CCBE1: variants seen among roughly 807,000 people sequenced by gnomAD.
CCBE1 encodes collagen and calcium-binding EGF domain-containing protein 1.
CCBE1 carries 37 observed loss-of-function variants against 50.0 expected under a neutral mutation model. That is an observed-to-expected ratio of 0.74 (90% CI 0.57 to 0.97). The LOEUF is 0.97. Ranked by LOEUF, CCBE1 falls within the 50% of genes least tolerant of loss-of-function variation. The probability of loss-of-function intolerance (pLI) is 0.00; values close to 1 mark genes in which losing one functional copy is unlikely to be tolerated. For missense variants in CCBE1, 538 were observed against 523.8 expected (o/e 1.03, Z -0.26); for synonymous variants, 234 against 203.7 (o/e 1.15, Z -1.27).
At chr18:59,617,850 C>T (rs1424907927) in intron 2 of CCBE1, among the ~76,000 whole-genome samples, 1 of 152,144 alleles carries the variant, frequency 6.6e-6, no homozygotes, top group Non-Finnish European at 1.5e-5. Flanking sequence ...GATTTATTAC[C>T]ACTGCAGGCT....
At chr18:59,526,746 C>G (rs1032392610) in intron 2 of CCBE1, among the ~76,000 whole-genome samples, 2 of 152,184 alleles carry the variant, frequency 1.3e-5, no homozygotes, top group Admixed American at 6.5e-5. Context: ...TTCTCGATTT[C>G]TGCTTTAATT....
At chr18:59,490,513 A>G (rs1913050092) in intron 2 of CCBE1, among the ~76,000 whole-genome samples, 1 of 152,126 alleles carries the variant, frequency 6.6e-6, no homozygotes, top group Non-Finnish European at 1.5e-5. Flanking sequence ...TTCTAATGCC[A>G]GGCTTGGCAA....
At chr18:59,551,493 C>T (rs1915928469) in intron 2 of CCBE1, among the ~76,000 whole-genome samples, 1 of 152,134 alleles carries the variant, frequency 6.6e-6, no homozygotes, top group African/African-American at 2.4e-5. Context: ...TAAAGCACAC[C>T]ACGATGCCAC....
intron 2 of CCBE1, among the ~76,000 whole-genome samples, chr18:59,564,642 G>C (rs145377540): frequency 6.6e-6 from 1 of 152,186 alleles, no homozygotes; most frequent in African/African-American, 2.4e-5. Flanking sequence ...TTTGGGATTC[G>C]TGTGAAACAT....
chr18:59,695,384 A>G (rs1380182954), intron 2 of CCBE1, among the ~76,000 whole-genome samples: 1 of 152,104 alleles, frequency 6.6e-6, no homozygotes, highest in Non-Finnish European at 1.5e-5. Flanking sequence ...CCAATTGAAC[A>G]TACTCCTTTC....
At chr18:59,516,279 C>G (rs1415158131) in intron 2 of CCBE1, among the ~76,000 whole-genome samples, 2 of 151,572 alleles carry the variant, frequency 1.3e-5, no homozygotes, top group Non-Finnish European at 2.9e-5. Flanking sequence ...GCAAAGTTGT[C>G]CTTATACATA....
intron 2 of CCBE1, among the ~76,000 whole-genome samples, chr18:59,560,380 A>G (rs1220363296): frequency 1.3e-5 from 2 of 152,210 alleles, no homozygotes; most frequent in African/African-American, 2.4e-5. Flanking sequence ...GTTCTCACTC[A>G]TAAGTGGGAG....
chr18:59,590,967 G>GATGCAACTGTTAAAAAGAATAAACTT, intron 2 of CCBE1, among the ~76,000 whole-genome samples: 1 of 32,310 alleles, frequency 3.1e-5, no homozygotes, highest in Non-Finnish European at 4.9e-5. Context: ...TAAGTAGGCC[G>GATGCAACTGTTAAAAAGAATAAACTT]GGCGCGGTGG....
chr18:59,674,706 C>A (rs529190739), intron 2 of CCBE1, among the ~76,000 whole-genome samples: 1 of 152,304 alleles, frequency 6.6e-6, no homozygotes, highest in Non-Finnish European at 1.5e-5. Context: ...GTTTGTTTGA[C>A]AGGATCCAGG....
chr18:59,541,876 TA>T (rs35073472), intron 2 of CCBE1, among the ~76,000 whole-genome samples: 29 of 148,960 alleles, frequency 1.9e-4, no homozygotes, highest in Middle Eastern at 3.4e-3. Flanking sequence ...TCTGCTTAAT[TA>T]AAAAAAAAAA....
At chr18:59,503,876 T>G (rs1485173985) in intron 2 of CCBE1, among the ~76,000 whole-genome samples, 1 of 152,206 alleles carries the variant, frequency 6.6e-6, no homozygotes, top group Admixed American at 6.5e-5. Flanking sequence ...CTTCACACCT[T>G]ACTCTCCACC....
intron 2 of CCBE1, among the ~76,000 whole-genome samples, chr18:59,678,745 C>G (rs1035024970): frequency 7.9e-5 from 12 of 152,152 alleles, no homozygotes; most frequent in Non-Finnish European, 1.3e-4. Context: ...GTTGGCCAGG[C>G]TGGTCTCAAA....
rs776006255 is a variant in CCBE1, at chr18:59,460,968, T to TAAATA, written c.553+5770_553+5771insTATTT. Among the ~76,000 whole-genome samples, 991 of 144,712 alleles carry TAAATA rather than the reference T, an allele frequency of 6.8e-3. 3 individuals carry two copies. The highest frequency in any genetic ancestry group is 0.011 in the Non-Finnish European group (718 of 65,508). The allele number at this position is 144,712 out of a possible 152,430, so 94.9% of individuals were successfully genotyped here. On this transcript the variant is annotated intron_variant, in intron 5 of 10. Transcript: ENST00000439986. ...ATAAATAAATAAATAAATAAATAAA[T>TAAATA]AATAAAATAAAAATAAAAAAATGAG...
In CCBE1 at chr18:59,431,141, G is replaced by A. The variant is rs1003351087; in HGVS notation, c.*4767C>T. 2.0e-5 allele frequency: 3 copies of A among 152,188 alleles called. No individual in the cohort carries two copies. The highest frequency in any genetic ancestry group is 7.2e-5 in the African/African-American group (3 of 41,450). 9.4% of individuals were successfully genotyped at this position (152,188 alleles called of 1,614,324 possible). A position where few individuals can be genotyped will look rare whatever the true frequency, so the allele number is the denominator to read the frequency against. On this transcript the variant is annotated 3_prime_UTR_variant, in exon 11 of 11. Coordinates refer to ENST00000439986, the MANE Select transcript of CCBE1 (RefSeq NM_133459.4). ...ACACATGAAATTCCTAAGGGGACTTGCTTTGATCCCCTGGGGAGTAAGAGG... is the reference window on the plus strand; with the variant it reads ...ACACATGAAATTCCTAAGGGGACTTACTTTGATCCCCTGGGGAGTAAGAGG...
intron 2 of CCBE1, among the ~76,000 whole-genome samples, chr18:59,500,684 C>G (rs1271577575): frequency 1.3e-5 from 2 of 152,198 alleles, no homozygotes; most frequent in African/African-American, 4.8e-5. Context: ...ACAGCAATGG[C>G]AGTGGACAGC....
rs1911774792 is a variant in CCBE1 at position 59,466,850 on chromosome 18, G to A, written c.442C>T (p.His148Tyr). 2 of 1,613,422 alleles carry A rather than the reference G, an allele frequency of 1.2e-6. No individual in the cohort carries two copies. Among genetic ancestry groups the A allele is most frequent in the Admixed American group, 3.3e-5 (2 of 59,996 alleles). Reference sequence around the variant, plus strand: ...CTGCCCAAGGTATTGATGCAGATGTGGGCACACAGCGTCCCATTGCTGCTG... The same window carrying A: ...CTGCCCAAGGTATTGATGCAGATGTAGGCACACAGCGTCCCATTGCTGCTG... The part of the protein sequence containing the change: ...CASSNGTLCA[H>Y]ICINTLGSYR... Residue 148 changes from histidine (H) to tyrosine (Y), a missense_variant, in exon 5 of 11, where the codon CAC becomes TAC. By Grantham distance (83) the His-to-Tyr change is moderately conservative. Transcript: ENST00000439986.
intron 2 of CCBE1, 124 bp from the exon 3 acceptor site, chr18:59,480,362 G>T (rs933750464): frequency 6.0e-6 from 4 of 666,616 alleles, no homozygotes; most frequent in Non-Finnish European, 1.0e-5. Flanking sequence ...CAAAGTAGGG[G>T]TGAAGTATTT....
chr18:59,649,963 G>A (rs940053919), intron 2 of CCBE1, among the ~76,000 whole-genome samples: 2 of 152,076 alleles, frequency 1.3e-5, no homozygotes, highest in Non-Finnish European at 2.9e-5. Flanking sequence ...GGAGGGAGGG[G>A]TCCCAGACAG....
intron 2 of CCBE1, among the ~76,000 whole-genome samples, chr18:59,693,004 AAAC>A (rs2054756068): frequency 1.3e-5 from 2 of 148,662 alleles, no homozygotes; most frequent in South Asian, 4.4e-4. Flanking sequence ...ACACACACAC[AAAC>A]AAAAAACGCA....
Sources: gnomAD v4.1 joint callset for allele counts (sites outside exome capture counted in the v4.1 genomes callset) on GRCh38, gnomAD v4.1.1 for gene constraint, MANE v1.5 for transcripts, NCBI Gene and HGNC (gene_info 2026-07-23, HGNC 2026-07-21) for gene names.